Variants in XKR4 observed in about 807,000 individuals in gnomAD.
XKR4 encodes XK-related protein 4.
Under a neutral mutation model 53.9 loss-of-function variants are expected in XKR4, and 12 were observed. The ratio of observed to expected loss-of-function variants is 0.22; its 90% CI spans 0.14 to 0.36. The LOEUF is 0.36. XKR4 is among the 10% of genes least tolerant of loss of function. The pLI, the probability that XKR4 is intolerant of heterozygous loss-of-function variation, is 1.00. For synonymous variants in XKR4, 354 were observed against 362.4 expected, an observed-to-expected ratio of 0.98 and a Z score of 0.26; for missense variants, 799 against 859.5, an observed-to-expected ratio of 0.93 and a Z score of 0.88.
rs1807072104 is a variant in XKR4, at chr8:55,539,422, G to A, written c.*15195G>A. 6.6e-6 allele frequency: 1 copy of A among 152,130 alleles called. No homozygotes were observed. The highest frequency in any genetic ancestry group is 2.4e-5 in the African/African-American group (1 of 41,434). 9.4% of individuals were successfully genotyped at this position (152,130 alleles called of 1,614,324 possible). A position where few individuals can be genotyped will look rare whatever the true frequency, so the allele number is the denominator to read the frequency against. The stretch of plus-strand genomic sequence containing the variant: ...TTGAAATCATCTTGTGCTTGGAGCT[G>A]ACATAAGATACGCACTCAATATAAT... On this transcript the variant is annotated 3_prime_UTR_variant, in exon 3 of 3. Coordinates refer to ENST00000327381, the MANE Select transcript of XKR4 (RefSeq NM_052898.2).
chr8:55,481,473 G>C (rs1806105377), intron 2 of XKR4, among the ~76,000 whole-genome samples: 2 of 152,082 alleles, frequency 1.3e-5, no homozygotes, highest in African/African-American at 4.8e-5. Context: ...TACCATTCAG[G>C]ACATAGGCAT....
At chr8:55,305,030 T>G (rs1819273211) in intron 1 of XKR4, among the ~76,000 whole-genome samples, 1 of 152,076 alleles carries the variant, frequency 6.6e-6, no homozygotes, top group Non-Finnish European at 1.5e-5. Flanking sequence ...TGAAACAGAT[T>G]ACAATCAGAA....
intron 1 of XKR4, among the ~76,000 whole-genome samples, chr8:55,134,553 G>A (rs1478500937): frequency 1.3e-5 from 2 of 152,220 alleles, no homozygotes; most frequent in African/African-American, 4.8e-5. Flanking sequence ...ATGGCAATGA[G>A]CTCCATTTTC....
rs980739591 is a variant in XKR4 at position 55,230,310 on chromosome 8, A to G, written c.806+127016A>G. ...ATCACTTTTATTTCTCCTACTACAG[A>G]CATGTTTTAAATTACCATCTATGGT... On this transcript the variant is annotated intron_variant, in intron 1 of 2. Transcript: ENST00000327381. Among the ~76,000 whole-genome samples the G allele has an allele frequency of 2.0e-5, 3 of 151,938 alleles. No individual in the cohort carries two copies. The East Asian group carries it at 5.8e-4, about 29-fold the overall frequency.
At position 55,360,159 on chromosome 8, in the gene XKR4, A is replaced by G. The variant is rs527315202; in HGVS notation, c.1006+2282A>G. On this transcript the variant is annotated intron_variant, in intron 2 of 2. Transcript: ENST00000327381. ...AGCCCACTATGTTGATCTTATTGCT[A>G]CTGATTTTTTAACAAGGCAGGTGGG... Among the ~76,000 whole-genome samples the G allele has an allele frequency of 3.3e-5, 5 of 152,326 alleles. No homozygotes were observed. The East Asian group carries it at 9.6e-4, about 29-fold the overall frequency.
chr8:55,496,000 G>A (rs1806342205), intron 2 of XKR4, among the ~76,000 whole-genome samples: 1 of 152,198 alleles, frequency 6.6e-6, no homozygotes, highest in Non-Finnish European at 1.5e-5. Flanking sequence ...AAATTAACTT[G>A]AGACTATGAA....
chr8:55,302,009 A>G (rs1300425492), intron 1 of XKR4, among the ~76,000 whole-genome samples: 7 of 152,066 alleles, frequency 4.6e-5, no homozygotes, highest in African/African-American at 1.4e-4. Flanking sequence ...ATTAGATCCC[A>G]TTTGTCAATT....
At chr8:55,212,109 C>G (rs1817739671) in intron 1 of XKR4, among the ~76,000 whole-genome samples, 1 of 144,754 alleles carries the variant, frequency 6.9e-6, no homozygotes, top group Non-Finnish European at 1.5e-5. Context: ...AAGGGAGTGT[C>G]TGGGTGAAAA....
At chr8:55,145,537 T>G (rs1448921571) in intron 1 of XKR4, among the ~76,000 whole-genome samples, 1 of 152,136 alleles carries the variant, frequency 6.6e-6, no homozygotes, top group Non-Finnish European at 1.5e-5. Context: ...CTGGAGAGAG[T>G]GTCCAATATC....
intron 2 of XKR4, among the ~76,000 whole-genome samples, chr8:55,387,139 A>C (rs1435869932): frequency 6.6e-6 from 1 of 152,126 alleles, no homozygotes; most frequent in African/African-American, 2.4e-5. Flanking sequence ...TGATTGCTGT[A>C]CTGTTTTTGA....
intron 1 of XKR4, among the ~76,000 whole-genome samples, chr8:55,289,070 A>G (rs1414814645): frequency 6.6e-6 from 1 of 152,190 alleles, no homozygotes; most frequent in Non-Finnish European, 1.5e-5. Context: ...CTGTTCAAAG[A>G]CACAAGGGTA....
At chr8:55,235,558 T>C (rs998868016) in intron 1 of XKR4, among the ~76,000 whole-genome samples, 1 of 152,232 alleles carries the variant, frequency 6.6e-6, no homozygotes, top group African/African-American at 2.4e-5. Context: ...TACATAAATA[T>C]GTTTGTTTTT....
intron 1 of XKR4, among the ~76,000 whole-genome samples, chr8:55,152,274 A>G (rs7836267): frequency 0.36 from 54,696 of 151,980 alleles, 11,155 homozygotes; most frequent in African/African-American, 0.57. Flanking sequence ...TGATAGTTTT[A>G]TTATCTTTAC....
At chr8:55,171,407 TG>T (rs1563474255) in intron 1 of XKR4, among the ~76,000 whole-genome samples, 1 of 152,122 alleles carries the variant, frequency 6.6e-6, no homozygotes, top group Non-Finnish European at 1.5e-5. Context: ...CATAGACTTT[TG>T]GAAAGCTTCT....
chr8:55,108,629 C>A (rs1018414249), intron 1 of XKR4, among the ~76,000 whole-genome samples: 1 of 152,066 alleles, frequency 6.6e-6, no homozygotes, highest in Non-Finnish European at 1.5e-5. Context: ...AAATTATTGG[C>A]AAAACTTTCT....
At chr8:55,461,299 C>A (rs753148249) in intron 2 of XKR4, among the ~76,000 whole-genome samples, 1 of 152,206 alleles carries the variant, frequency 6.6e-6, no homozygotes, top group Non-Finnish European at 1.5e-5. Flanking sequence ...GATCAGGCAG[C>A]AGCATTTGCA....
At chr8:55,507,355 T>C (rs562052474) in intron 2 of XKR4, among the ~76,000 whole-genome samples, 26 of 122,376 alleles carry the variant, frequency 2.1e-4, no homozygotes, top group Non-Finnish European at 4.8e-4. Flanking sequence ...TACTGTTGGA[T>C]TTTTTTTTAT....
Position 55,263,324 on chromosome 8 carries a change from C to T in XKR4, c.807-94354C>T, listed in dbSNP as rs573668737. Among the ~76,000 whole-genome samples the T allele has an allele frequency of 2.2e-4, 33 of 152,286 alleles. No individual in the cohort carries two copies. The South Asian group carries it at 6.4e-3, about 30-fold the overall frequency. On this transcript the variant is annotated intron_variant, in intron 1 of 2. Coordinates refer to ENST00000327381, the MANE Select transcript of XKR4 (RefSeq NM_052898.2). ...CGTTGTTGCCATCACAAGGTGGTGC[C>T]AAGGGCTGTAATCTGTGCCCTGGTC...
At chr8:55,402,867 A>G (rs1391020315) in intron 2 of XKR4, among the ~76,000 whole-genome samples, 4 of 152,184 alleles carry the variant, frequency 2.6e-5, no homozygotes, top group Non-Finnish European at 5.9e-5. Context: ...CAGCAAATAG[A>G]AAGGGAGAGT....
Sources: allele counts gnomAD v4.1 joint callset (sites outside exome capture counted in the v4.1 genomes callset), GRCh38; gene constraint gnomAD v4.1.1; transcripts MANE v1.5; gene names NCBI Gene and HGNC (gene_info 2026-07-23, HGNC 2026-07-21).